The following ADGRL3 variants were observed in gnomAD, a reference collection of about 807,000 sequenced individuals.
The protein encoded by ADGRL3 is adhesion G protein-coupled receptor L3.
Under a neutral mutation model 153.5 loss-of-function variants are expected in ADGRL3, and 62 were observed. The ratio of observed to expected loss-of-function variants is 0.40; its 90% confidence interval spans 0.33 to 0.50. The LOEUF (loss-of-function observed/expected upper bound fraction) is 0.50. Ranked by LOEUF, ADGRL3 falls within the 20% of genes least tolerant of loss-of-function variation. The pLI is 0.47. For synonymous variants in ADGRL3, 710 were observed against 672.5 expected (o/e 1.06, Z -0.86); for missense variants, 1,641 against 1,859.4 (o/e 0.88, Z 2.16).
intron 2 of ADGRL3, among the ~76,000 whole-genome samples, chr4:61,479,564 A>C (rs1262827810): frequency 6.6e-6 from 1 of 152,164 alleles, no homozygotes; most frequent in Non-Finnish European, 1.5e-5. Context: ...AATAAAAACT[A>C]TAGGAAATTG....
chr4:61,420,366 C>T (rs2097189234), intron 2 of ADGRL3: 1 of 149,736 alleles, frequency 6.7e-6, no homozygotes, highest in Non-Finnish European at 1.5e-5. Flanking sequence ...TCATGATGAA[C>T]CCTAGAATAA....
At chr4:61,686,437 A>C (rs1437750706) in intron 6 of ADGRL3, among the ~76,000 whole-genome samples, 1 of 152,124 alleles carries the variant, frequency 6.6e-6, no homozygotes, top group Non-Finnish European at 1.5e-5. Context: ...AATCTTATGA[A>C]ACTAAAAAAA....
intron 21 of ADGRL3, among the ~76,000 whole-genome samples, chr4:62,007,225 G>GTATC (rs1393717230): frequency 6.6e-6 from 1 of 150,452 alleles, no homozygotes; most frequent in African/African-American, 2.4e-5. Flanking sequence ...CCCCTTGCTG[G>GTATC]TATCACATGT....
At chr4:61,977,409 C>T (rs1396910048) in intron 17 of ADGRL3, among the ~76,000 whole-genome samples, 2 of 151,998 alleles carry the variant, frequency 1.3e-5, no homozygotes, top group African/African-American at 4.8e-5. Context: ...CACTAACCAC[C>T]CTCCACTCTC....
At chr4:62,047,232 A>T (rs1294691665) in intron 25 of ADGRL3, among the ~76,000 whole-genome samples, 1 of 151,848 alleles carries the variant, frequency 6.6e-6, no homozygotes, top group Non-Finnish European at 1.5e-5. Flanking sequence ...TCTTTAAGAT[A>T]GTTCTGACCC....
At chr4:61,767,325 A>G (rs768884472) in intron 8 of ADGRL3, among the ~76,000 whole-genome samples, 10 of 150,776 alleles carry the variant, frequency 6.6e-5, no homozygotes, top group South Asian at 2.1e-4. Flanking sequence ...TTAAAAGAGT[A>G]TTGTCTAAGT....
At chr4:61,924,626 C>A (rs1336311165) in intron 13 of ADGRL3, among the ~76,000 whole-genome samples, 3 of 152,188 alleles carry the variant, frequency 2.0e-5, no homozygotes, top group Non-Finnish European at 2.9e-5. Flanking sequence ...TGTTTCCTTT[C>A]ACTTTACTCC....
chr4:61,383,076 T>C (rs2096690123), intron 1 of ADGRL3, 48 bp from the exon 2 acceptor site: 1 of 151,798 alleles, frequency 6.6e-6, no homozygotes. Context: ...AAACAGAATA[T>C]TTAATTTTTC....
chr4:61,706,612 G>GAGCC (rs2095862480), intron 6 of ADGRL3, among the ~76,000 whole-genome samples: 1 of 151,968 alleles, frequency 6.6e-6, no homozygotes, highest in South Asian at 2.1e-4. Context: ...AAAACCTCAT[G>GAGCC]AGCCAACTGT....
intron 5 of ADGRL3, among the ~76,000 whole-genome samples, chr4:61,597,154 A>T (rs1417170984): frequency 6.6e-6 from 1 of 152,130 alleles, no homozygotes; most frequent in Non-Finnish European, 1.5e-5. Flanking sequence ...AGTACTATCA[A>T]TCTTTGAAAA....
Position 61,731,068 on chromosome 4 carries a change from A to G in ADGRL3, c.598+432A>G, listed in dbSNP as rs201018719. On this transcript the variant is annotated intron_variant, in intron 7 of 26. Transcript: ENST00000683033. ...CTTTAGTCATCAAGGATGGTTATTT[A>G]GCATAAAGCTTATATACAATTTTGA... Among the ~76,000 whole-genome samples, 8 of 152,136 alleles carry G rather than the reference A, an allele frequency of 5.3e-5. No homozygotes were observed. In the East Asian group the frequency reaches 1.4e-3, roughly 26 times the overall value.
intron 1 of ADGRL3, among the ~76,000 whole-genome samples, chr4:61,296,048 T>C (rs1318175160): frequency 6.6e-6 from 1 of 152,148 alleles, no homozygotes; most frequent in Non-Finnish European, 1.5e-5. Flanking sequence ...AAATTGAAAT[T>C]CTGTGGTTTC....
chr4:61,845,780 A>G (rs574800485), intron 9 of ADGRL3, among the ~76,000 whole-genome samples: 1 of 152,290 alleles, frequency 6.6e-6, no homozygotes, highest in Admixed American at 6.5e-5. Context: ...CTTTAGTGAG[A>G]GACATGGCCA....
Position 61,909,545 on chromosome 4 carries a change from A to G in ADGRL3, c.1888-15A>G, listed in dbSNP as rs1339535562. 2 of 1,594,106 alleles carry G rather than the reference A, an allele frequency of 1.3e-6. No individual in the cohort carries two copies. The highest frequency in any genetic ancestry group is 8.6e-7 in the Non-Finnish European group (1 of 1,166,058). ...GTGAGATCTCTTTCCTTTGTATTCC[A>G]TTTAAAAATTATAGTTGAAATCTGG... is the stretch of plus-strand genomic sequence containing the variant. On this transcript the variant is annotated splice_polypyrimidine_tract_variant and intron_variant, in intron 11 of 26. Coordinates refer to ENST00000683033, the MANE Select transcript of ADGRL3 (RefSeq NM_001387552.1).
intron 13 of ADGRL3, among the ~76,000 whole-genome samples, chr4:61,932,850 G>C (rs141330246): frequency 1.3e-5 from 2 of 151,992 alleles, no homozygotes; most frequent in African/African-American, 2.4e-5. Flanking sequence ...CTCAATCTCC[G>C]TATTAGTTGT....
At chr4:61,828,813 G>A (rs2097840640) in intron 9 of ADGRL3, among the ~76,000 whole-genome samples, 1 of 152,164 alleles carries the variant, frequency 6.6e-6, no homozygotes, top group South Asian at 2.1e-4. Context: ...CTAATCTAAA[G>A]CAAATGTCAT....
At position 61,921,056 on chromosome 4, in the gene ADGRL3, G is replaced by A. The variant is rs73220195; in HGVS notation, c.2112+8299G>A. 2.5e-3 allele frequency among the ~76,000 whole-genome samples: 375 copies of A among 151,756 alleles called. 3 individuals carry two copies. Among genetic ancestry groups the A allele is most frequent in the African/African-American group, 8.3e-3 (345 of 41,412 alleles). On this transcript the variant is annotated intron_variant, in intron 13 of 26. Coordinates refer to ENST00000683033, the MANE Select transcript of ADGRL3 (RefSeq NM_001387552.1). Reference sequence around the variant, plus strand: ...TACCATAGATTTATGACAATACAAGGGTAACTTTTGAACCCTAGATATAGA... The same window carrying A: ...TACCATAGATTTATGACAATACAAGAGTAACTTTTGAACCCTAGATATAGA...
intron 9 of ADGRL3, among the ~76,000 whole-genome samples, chr4:61,864,359 GAAGGCAAACTAACT>G (rs1352191452): frequency 5.3e-5 from 8 of 152,202 alleles, no homozygotes; most frequent in Admixed American, 5.2e-4. Flanking sequence ...ATCAGAGCAT[GAAGGCAAACTAACT>G]AGTTTTGTCT....
At chr4:61,867,540 A>ATATATATATATATATATATATATATATG (rs201200813) in intron 9 of ADGRL3, among the ~76,000 whole-genome samples, 3 of 132,122 alleles carry the variant, frequency 2.3e-5, no homozygotes, top group African/African-American at 8.1e-5. Context: ...ATATATATAT[A>ATATATATATATATATATATATATATATG]ATTGTAGGAG....
Sources: allele counts gnomAD v4.1 joint callset (sites outside exome capture counted in the v4.1 genomes callset), GRCh38; gene constraint gnomAD v4.1.1; transcripts MANE v1.5; gene names NCBI Gene and HGNC (gene_info 2026-07-23, HGNC 2026-07-21).